Variants in PPP6R2 observed in about 807,000 individuals in gnomAD.
PPP6R2 encodes the protein serine/threonine-protein phosphatase 6 regulatory subunit 2.
In PPP6R2, 62 loss-of-function variants were observed where a neutral mutation model predicts 100.2. That is an observed-to-expected ratio of 0.62 (90% confidence interval 0.50 to 0.76). PPP6R2 has a LOEUF of 0.76. Among genes scored for constraint, PPP6R2 ranks in the 30% least tolerant of loss-of-function variants. The probability of loss-of-function intolerance (pLI) is 0.00; values close to 1 mark genes in which losing one functional copy is unlikely to be tolerated. For missense variants in PPP6R2, 1,142 were observed against 1,276.3 expected (o/e 0.89, Z 1.60); for synonymous variants, 525 against 514.7 (o/e 1.02, Z -0.27).
At chr22:50,347,478 C>T (rs947316591) in intron 1 of PPP6R2, among the ~76,000 whole-genome samples, 1 of 152,012 alleles carries the variant, frequency 6.6e-6, no homozygotes, top group Admixed American at 6.6e-5. Flanking sequence ...CTGTTGCTTC[C>T]ATCCCCATCA....
intron 1 of PPP6R2, among the ~76,000 whole-genome samples, chr22:50,367,723 T>G (rs1327877486): frequency 4.6e-5 from 7 of 152,186 alleles, no homozygotes; most frequent in Non-Finnish European, 8.8e-5. Flanking sequence ...TGTGTTGTTT[T>G]TTGAGACAGT....
At chr22:50,438,404 A>G (rs1603416441) in intron 18 of PPP6R2, 106 bp downstream of exon 18, 2 of 1,516,708 alleles carry the variant, frequency 1.3e-6, no homozygotes, top group African/African-American at 1.4e-5. Context: ...GAGCAGCCAC[A>G]CCTGTCCTGC....
chr22:50,395,965 C>T (rs1022357298), intron 3 of PPP6R2, among the ~76,000 whole-genome samples: 11 of 151,406 alleles, frequency 7.3e-5, no homozygotes, highest in African/African-American at 1.7e-4. Context: ...GAGGCCAAGG[C>T]GGGCGGATCA....
intron 22 of PPP6R2, chr22:50,443,633 A>G (rs2066370819): frequency 8.7e-6 from 5 of 577,502 alleles, no homozygotes; most frequent in Non-Finnish European, 1.5e-5. Flanking sequence ...TGCCTGGAGG[A>G]GGTTTGAGGT....
chr22:50,376,316 T>C (rs534754693), intron 2 of PPP6R2, among the ~76,000 whole-genome samples: 33 of 151,978 alleles, frequency 2.2e-4, no homozygotes, highest in Middle Eastern at 3.4e-3. Context: ...TGAAACCTTG[T>C]CTCAAAAAAA....
intron 3 of PPP6R2, among the ~76,000 whole-genome samples, chr22:50,403,883 T>C (rs1050230658): frequency 2.0e-5 from 3 of 152,150 alleles, no homozygotes; most frequent in Admixed American, 6.5e-5. Context: ...CTGCCAGGCC[T>C]GGCCAGCTGT....
intron 1 of PPP6R2, among the ~76,000 whole-genome samples, chr22:50,354,681 C>T (rs1210341827): frequency 6.6e-6 from 1 of 151,726 alleles, no homozygotes; most frequent in Non-Finnish European, 1.5e-5. Context: ...CAAAAATTAG[C>T]CGGGCATGGT....
chr22:50,437,316 A>T (rs12167996), intron 15 of PPP6R2, among the ~76,000 whole-genome samples, 190 bp from the exon 16 acceptor site: 37,475 of 152,168 alleles, frequency 0.25, 4,933 homozygotes, highest in Middle Eastern at 0.34. Context: ...CTCAGATGTG[A>T]CCGCAGCGAG....
At chr22:50,379,180 C>G (rs950403155) in intron 2 of PPP6R2, among the ~76,000 whole-genome samples, 1 of 152,102 alleles carries the variant, frequency 6.6e-6, no homozygotes, top group African/African-American at 2.4e-5. Context: ...GGCTAAGACA[C>G]AGTCCTTTAC....
rs578052653 is a variant in PPP6R2, at chr22:50,439,610, G to A, written c.2129-91G>A. ...CAGCCCCATCTTCCTGTCAACCTCT[G>A]AGGGGCTCCCGGGGCAGGGGCGCTG... On this transcript the variant is annotated intron_variant, in intron 19 of 23. Transcript: ENST00000612753. The A allele has an allele frequency of 2.0e-5, 28 of 1,390,482 alleles. 1 individual carries two copies. The East Asian group carries it at 5.8e-4, about 29-fold the overall frequency. The allele number at this position is 1,390,482 out of a possible 1,614,324, so 86.1% of individuals were successfully genotyped here.
At chr22:50,355,759 G>C (rs2046396483) in intron 1 of PPP6R2, among the ~76,000 whole-genome samples, 1 of 144,920 alleles carries the variant, frequency 6.9e-6, no homozygotes, top group African/African-American at 2.6e-5. Flanking sequence ...CTTACCTCAT[G>C]ATCCGCCCGC....
At chr22:50,359,015 T>C (rs926339234) in intron 1 of PPP6R2, among the ~76,000 whole-genome samples, 1 of 70,788 alleles carries the variant, frequency 1.4e-5, no homozygotes, top group Admixed American at 2.0e-4. Flanking sequence ...CCAACTCTTT[T>C]TTTGAGACGG....
intron 2 of PPP6R2, among the ~76,000 whole-genome samples, chr22:50,380,500 A>G (rs1457757067): frequency 2.0e-5 from 3 of 151,450 alleles, no homozygotes; most frequent in African/African-American, 4.9e-5. Flanking sequence ...AGCTGGGATT[A>G]CAGGTGCCCG....
chr22:50,425,684 A>G (rs775283696), intron 10 of PPP6R2, among the ~76,000 whole-genome samples: 1 of 151,658 alleles, frequency 6.6e-6, no homozygotes, highest in Non-Finnish European at 1.5e-5. Context: ...CCTTCTTCTG[A>G]TGCTCGTCAT....
intron 3 of PPP6R2, among the ~76,000 whole-genome samples, chr22:50,404,949 T>C (rs1006763081): frequency 3.9e-5 from 6 of 152,308 alleles, no homozygotes; most frequent in African/African-American, 1.4e-4. Flanking sequence ...CTGTGGGGTG[T>C]ACCTCTCCTG....
intron 10 of PPP6R2, among the ~76,000 whole-genome samples, chr22:50,427,478 A>G (rs1257184718): frequency 2.0e-5 from 3 of 152,206 alleles, no homozygotes; most frequent in African/African-American, 7.2e-5. Flanking sequence ...TTTATAGATC[A>G]CTTTGGGTAA....
intron 6 of PPP6R2, among the ~76,000 whole-genome samples, chr22:50,417,963 G>A (rs1352039076): frequency 1.3e-5 from 2 of 152,236 alleles, no homozygotes; most frequent in Non-Finnish European, 2.9e-5. Context: ...CTACAGAACA[G>A]CCCTACATTG....
intron 13 of PPP6R2, among the ~76,000 whole-genome samples, chr22:50,435,669 A>G (rs746702547): frequency 6.6e-6 from 1 of 152,124 alleles, no homozygotes; most frequent in Non-Finnish European, 1.5e-5. Context: ...CCCCAGGACC[A>G]TAGTGAGGGG....
the PPP6R2 span, among the ~76,000 whole-genome samples, chr22:50,338,103 GGT>G: frequency 6.8e-6 from 1 of 146,524 alleles, no homozygotes; most frequent in Non-Finnish European, 1.5e-5. Context: ...TGTGGTGTGT[GGT>G]ATGTGGTGTG....
Sources: allele counts gnomAD v4.1 joint callset (sites outside exome capture counted in the v4.1 genomes callset), GRCh38; gene constraint gnomAD v4.1.1; transcripts MANE v1.5; gene names NCBI Gene and HGNC (gene_info 2026-07-23, HGNC 2026-07-21).